ANKRD17: variants seen among roughly 807,000 people sequenced by gnomAD.
The protein encoded by ANKRD17 is ankyrin repeat domain-containing protein 17.
Under a neutral mutation model 229.7 loss-of-function variants are expected in ANKRD17, and 19 were observed. The observed-to-expected ratio is 0.08, with a 90% CI of 0.06 to 0.12. The LOEUF is 0.12. Ranked by LOEUF, ANKRD17 falls within the 10% of genes least tolerant of loss-of-function variation. ANKRD17 has a pLI of 1.00. For synonymous variants in ANKRD17, 1,112 were observed against 1,146.1 expected, an observed-to-expected ratio of 0.97 and a Z score of 0.60; for missense variants, 2,176 against 3,176.8, an observed-to-expected ratio of 0.68 and a Z score of 7.57.
intron 1 of ANKRD17, among the ~76,000 whole-genome samples, chr4:73,257,789 T>C (rs1375394362): frequency 6.6e-6 from 1 of 152,062 alleles, no homozygotes; most frequent in Non-Finnish European, 1.5e-5. Context: ...TCTGAGTCCA[T>C]TACAACCTTA....
chr4:73,150,695 AAGAAACTTC>A (rs1398456762), intron 7 of ANKRD17, among the ~76,000 whole-genome samples: 1 of 152,230 alleles, frequency 6.6e-6, no homozygotes, highest in Admixed American at 6.5e-5. Flanking sequence ...AAGATGAGAC[AAGAAACTTC>A]AGATTCTTTG....
At chr4:73,094,600 A>C (rs1043206580) in intron 27 of ANKRD17, among the ~76,000 whole-genome samples, 2 of 151,902 alleles carry the variant, frequency 1.3e-5, no homozygotes, top group South Asian at 2.1e-4. Context: ...AATTATGAAA[A>C]CACCACCATG....
intron 1 of ANKRD17, among the ~76,000 whole-genome samples, chr4:73,184,528 CAAAA>C (rs776930137): frequency 4.7e-3 from 141 of 29,944 alleles, no homozygotes; most frequent in African/African-American, 0.015. Context: ...GACTTCCTCT[CAAAA>C]AAAAAAAAAA....
chr4:73,233,768 G>A (rs1360451604), intron 1 of ANKRD17, among the ~76,000 whole-genome samples: 1 of 152,168 alleles, frequency 6.6e-6, no homozygotes, highest in Non-Finnish European at 1.5e-5. Context: ...GCTGGGTAGA[G>A]AAAACATAGG....
At chr4:73,112,932 C>A (rs960368773) in intron 24 of ANKRD17, 1 of 292,896 alleles carries the variant, frequency 3.4e-6, no homozygotes, top group African/African-American at 2.3e-5. Context: ...GGATTACAGG[C>A]ATGCACCACC....
At position 73,136,414 on chromosome 4, in the gene ANKRD17, A is replaced by T. The variant is rs372958272; in HGVS notation, c.3086-1149T>A. On this transcript the variant is annotated intron_variant, in intron 15 of 33. Transcript: ENST00000358602. The stretch of plus-strand genomic sequence containing the variant: ...TATTATAACAATTATAAACATAATT[A>T]TGAATTAAGAAATCTATTTTACATG... Among the ~76,000 whole-genome samples the T allele has an allele frequency of 2.4e-4, 36 of 152,320 alleles. No individual in the cohort carries two copies. In the East Asian group the frequency reaches 3.5e-3, roughly 15 times the overall value.
At chr4:73,137,540 G>A (rs1729064218) in intron 15 of ANKRD17, among the ~76,000 whole-genome samples, 1 of 152,070 alleles carries the variant, frequency 6.6e-6, no homozygotes, top group South Asian at 2.1e-4. Context: ...GCAACTGAAA[G>A]GATACATCCT....
chr4:73,098,553 C>G (rs1362656055), intron 25 of ANKRD17, 33 bp from the exon 26 acceptor site: 2 of 1,572,490 alleles, frequency 1.3e-6, no homozygotes, highest in Non-Finnish European at 8.6e-7. Flanking sequence ...TTAGCAAGTT[C>G]TAAGTGTTCC....
rs368784924 is a variant in ANKRD17, at chr4:73,126,837, C to G, written c.3235-1525G>C. On this transcript the variant is annotated intron_variant, in intron 16 of 33. Coordinates refer to ENST00000358602, the MANE Select transcript of ANKRD17 (RefSeq NM_032217.5). ...ATCTCTGCCTCCTGGGTTCACGCAA[C>G]GCTCCCTGCCTCAGCTTCCTGAGTA... is the stretch of plus-strand genomic sequence containing the variant. 3.3e-5 allele frequency among the ~76,000 whole-genome samples: 5 copies of G among 152,092 alleles called. No individual in the cohort carries two copies. The East Asian group carries it at 5.8e-4, about 18-fold the overall frequency.
At chr4:73,128,057 G>C (rs574684618) in intron 16 of ANKRD17, among the ~76,000 whole-genome samples, 1 of 152,188 alleles carries the variant, frequency 6.6e-6, no homozygotes, top group Non-Finnish European at 1.5e-5. Context: ...TACAACAATG[G>C]AGAAGGACAT....
intron 19 of ANKRD17, 56 bp downstream of exon 19, chr4:73,121,561 A>G (rs374543124): frequency 3.1e-5 from 49 of 1,600,090 alleles, no homozygotes; most frequent in Non-Finnish European, 4.1e-5. Context: ...GTGTTCTACA[A>G]ATATCTATAA....
chr4:73,152,717 G>C (rs1302544794), intron 6 of ANKRD17, among the ~76,000 whole-genome samples: 1 of 151,954 alleles, frequency 6.6e-6, no homozygotes, highest in East Asian at 1.9e-4. Flanking sequence ...GCCAGTACTG[G>C]GTTCAAAAGT....
intron 1 of ANKRD17, among the ~76,000 whole-genome samples, chr4:73,200,905 T>G (rs1052810054): frequency 1.5e-5 from 2 of 132,768 alleles, no homozygotes; most frequent in East Asian, 2.3e-4. Context: ...CACTCTCTCC[T>G]TTCCAACAAA....
At chr4:73,237,721 T>TAGGCC (rs1743635297) in intron 1 of ANKRD17, among the ~76,000 whole-genome samples, 1 of 152,190 alleles carries the variant, frequency 6.6e-6, no homozygotes, top group Admixed American at 6.5e-5. Flanking sequence ...GCCATAGGCA[T>TAGGCC]ATGGTTTGCT....
chr4:73,144,509 T>C (rs1466530278), intron 11 of ANKRD17, among the ~76,000 whole-genome samples: 1 of 152,200 alleles, frequency 6.6e-6, no homozygotes, highest in Non-Finnish European at 1.5e-5. Flanking sequence ...GAAATTTCCC[T>C]TTCCTTTATA....
chr4:73,189,208 G>A (rs1488252344), intron 1 of ANKRD17, among the ~76,000 whole-genome samples: 2 of 151,788 alleles, frequency 1.3e-5, no homozygotes, highest in African/African-American at 4.8e-5. Context: ...ACCTAAACGA[G>A]ATAACAACAA....
intron 8 of ANKRD17, 36 bp downstream of exon 8, chr4:73,148,777 A>G (rs1214308880): frequency 6.4e-7 from 1 of 1,558,290 alleles, no homozygotes; most frequent in Non-Finnish European, 8.8e-7. Flanking sequence ...TAGGTTTTAC[A>G]CATTTATACT....
intron 16 of ANKRD17, among the ~76,000 whole-genome samples, chr4:73,132,632 T>C (rs891246047): frequency 5.9e-5 from 9 of 152,134 alleles, no homozygotes; most frequent in South Asian, 2.1e-4. Flanking sequence ...TAAGGAGTCA[T>C]AGTCAAATTT....
intron 30 of ANKRD17, among the ~76,000 whole-genome samples, chr4:73,081,776 G>C (rs552837387): frequency 5.9e-5 from 9 of 152,164 alleles, no homozygotes; most frequent in African/African-American, 2.2e-4. Flanking sequence ...CTGATACCAC[G>C]GTAACTTCAC....
Sources: gnomAD v4.1 joint callset for allele counts (sites outside exome capture counted in the v4.1 genomes callset) on GRCh38, gnomAD v4.1.1 for gene constraint, MANE v1.5 for transcripts, NCBI Gene and HGNC (gene_info 2026-07-23, HGNC 2026-07-21) for gene names.